NKAIN2: variants seen among roughly 807,000 people sequenced by gnomAD.
NKAIN2 encodes the protein sodium/potassium-transporting ATPase subunit beta-1-interacting protein 2.
A neutral mutation model predicts 32.6 loss-of-function variants in NKAIN2; 14 were observed. That is an observed-to-expected ratio of 0.43 (90% CI 0.28 to 0.67). The LOEUF is 0.67. Among genes scored for constraint, NKAIN2 ranks in the 30% least tolerant of loss-of-function variants. The pLI, the probability that NKAIN2 is intolerant of heterozygous loss-of-function variation, is 0.17. For missense variants in NKAIN2, 198 were observed against 258.3 expected, an observed-to-expected ratio of 0.77 and a Z score of 1.60; for synonymous variants, 80 against 87.2, an observed-to-expected ratio of 0.92 and a Z score of 0.46.
chr6:124,541,429 G>A (rs1440938070), intron 3 of NKAIN2, among the ~76,000 whole-genome samples: 1 of 152,092 alleles, frequency 6.6e-6, no homozygotes, highest in African/African-American at 2.4e-5. Context: ...TTTATATAGA[G>A]GGTTAGTCCA....
At chr6:124,802,370 T>C (rs550157236) in intron 5 of NKAIN2, among the ~76,000 whole-genome samples, 1 of 152,282 alleles carries the variant, frequency 6.6e-6, no homozygotes, top group East Asian at 1.9e-4. Context: ...CAATTTCATC[T>C]GAAAGACATG....
chr6:124,700,978 A>G (rs1019097650), intron 4 of NKAIN2, among the ~76,000 whole-genome samples: 5 of 150,802 alleles, frequency 3.3e-5, no homozygotes, highest in Non-Finnish European at 7.4e-5. Context: ...TGTAATTAGA[A>G]CATTTTAAAA....
chr6:124,026,773 G>A (rs1472601153), intron 1 of NKAIN2, among the ~76,000 whole-genome samples: 3 of 152,054 alleles, frequency 2.0e-5, no homozygotes, highest in Non-Finnish European at 1.5e-5. Context: ...AAACAAAACC[G>A]AAACCTGACC....
intron 4 of NKAIN2, among the ~76,000 whole-genome samples, chr6:124,706,280 A>G (rs774556081): frequency 6.6e-6 from 1 of 152,112 alleles, no homozygotes; most frequent in Non-Finnish European, 1.5e-5. Flanking sequence ...TAATATTATT[A>G]TCTCTATCTT....
chr6:124,036,965 C>T (rs974969925), intron 1 of NKAIN2, among the ~76,000 whole-genome samples: 1 of 152,198 alleles, frequency 6.6e-6, no homozygotes, highest in African/African-American at 2.4e-5. Context: ...ATCAAAGCTT[C>T]GTTCTTATCT....
intron 1 of NKAIN2, among the ~76,000 whole-genome samples, chr6:123,878,675 C>T (rs1057191354): frequency 2.0e-5 from 3 of 152,094 alleles, no homozygotes; most frequent in African/African-American, 4.8e-5. Context: ...TCGGGGTAAA[C>T]TTCAAGTGCT....
intron 2 of NKAIN2, among the ~76,000 whole-genome samples, chr6:124,345,262 A>G (rs965400092): frequency 4.6e-5 from 7 of 152,134 alleles, no homozygotes; most frequent in African/African-American, 1.7e-4. Context: ...TTTTTGCATC[A>G]ATGTTCATCA....
chr6:123,901,145 C>G (rs1168543237), intron 1 of NKAIN2, among the ~76,000 whole-genome samples: 1 of 152,090 alleles, frequency 6.6e-6, no homozygotes, highest in Non-Finnish European at 1.5e-5. Context: ...TCACTTTGAA[C>G]TATAATCTCC....
At chr6:124,472,171 A>T (rs1777001731) in intron 3 of NKAIN2, among the ~76,000 whole-genome samples, 1 of 152,094 alleles carries the variant, frequency 6.6e-6, no homozygotes, top group African/African-American at 2.4e-5. Flanking sequence ...TGTAACACAC[A>T]CCTAAGAATC....
intron 3 of NKAIN2, among the ~76,000 whole-genome samples, chr6:124,619,210 T>C (rs563230142): frequency 6.6e-6 from 1 of 152,096 alleles, no homozygotes; most frequent in Non-Finnish European, 1.5e-5. Flanking sequence ...GGGGAAAAAA[T>C]GCATTTCCTT....
intron 3 of NKAIN2, among the ~76,000 whole-genome samples, chr6:124,581,897 C>T (rs940031073): frequency 5.3e-5 from 8 of 152,012 alleles, no homozygotes; most frequent in East Asian, 1.9e-4. Flanking sequence ...TATAGCTATA[C>T]GTGCCTACAT....
chr6:124,113,702 G>A (rs1446370833), intron 1 of NKAIN2, among the ~76,000 whole-genome samples: 1 of 152,082 alleles, frequency 6.6e-6, no homozygotes, highest in Non-Finnish European at 1.5e-5. Context: ...GGTGAAACCA[G>A]GAGCTTGGGC....
chr6:124,311,715 T>C (rs1440187063), intron 2 of NKAIN2, among the ~76,000 whole-genome samples: 2 of 152,148 alleles, frequency 1.3e-5, no homozygotes, highest in Non-Finnish European at 2.9e-5. Flanking sequence ...CATTCTTAAT[T>C]GGTATCGTTA....
At chr6:124,739,004 TTC>T (rs1777078021) in intron 4 of NKAIN2, among the ~76,000 whole-genome samples, 1 of 151,932 alleles carries the variant, frequency 6.6e-6, no homozygotes, top group African/African-American at 2.4e-5. Context: ...GTTTAATATA[TTC>T]TCTTAAAGTT....
At position 124,121,886 on chromosome 6, in the gene NKAIN2, G is replaced by A. The variant is rs1383718359; in HGVS notation, c.55-161119G>A. The A allele has an allele frequency of 3.2e-6, 4 of 1,234,546 alleles. No individual in the cohort carries two copies. The South Asian group carries it at 3.8e-5, about 12-fold the overall frequency. The allele number at this position is 1,234,546 out of a possible 1,614,324, so 76.5% of individuals were successfully genotyped here. ...CTCTGGTATATTTACAGGTACTGAA[G>A]ATGGATGGGGATCATTAGGTTTCTC... On this transcript the variant is annotated intron_variant, in intron 1 of 6. Transcript: ENST00000368417.
At chr6:124,248,966 G>T (rs1477787129) in intron 1 of NKAIN2, among the ~76,000 whole-genome samples, 1 of 152,094 alleles carries the variant, frequency 6.6e-6, no homozygotes, top group Non-Finnish European at 1.5e-5. Flanking sequence ...CAGATGTTGG[G>T]CAATGAAGTG....
intron 3 of NKAIN2, among the ~76,000 whole-genome samples, chr6:124,375,098 C>T (rs1340406353): frequency 6.6e-6 from 1 of 151,982 alleles, no homozygotes; most frequent in Non-Finnish European, 1.5e-5. Flanking sequence ...CTCCTCATGG[C>T]CTTAGACATG....
chr6:124,771,720 A>G (rs1275403311), intron 4 of NKAIN2, among the ~76,000 whole-genome samples: 3 of 152,186 alleles, frequency 2.0e-5, no homozygotes, highest in Non-Finnish European at 4.4e-5. Context: ...GCATGAATCA[A>G]TTTTGAAATT....
chr6:124,072,655 C>T (rs117922356), intron 1 of NKAIN2, among the ~76,000 whole-genome samples: 2 of 152,252 alleles, frequency 1.3e-5, no homozygotes, highest in Non-Finnish European at 2.9e-5. Context: ...CATTTCTATT[C>T]GTAAGCTCCT....
Sources: allele counts gnomAD v4.1 joint callset (sites outside exome capture counted in the v4.1 genomes callset), GRCh38; gene constraint gnomAD v4.1.1; transcripts MANE v1.5; gene names NCBI Gene and HGNC (gene_info 2026-07-23, HGNC 2026-07-21).